Variants in XPR1 observed in about 807,000 individuals in gnomAD.
XPR1 encodes xenotropic and polytropic retrovirus receptor 1, also known as solute carrier family 53 member 1.
A neutral mutation model predicts 87.5 loss-of-function variants in XPR1; 28 were observed. The observed-to-expected ratio is 0.32, with a 90% confidence interval of 0.24 to 0.44. XPR1 has a LOEUF of 0.44. Ranked by LOEUF, XPR1 falls within the 20% of genes least tolerant of loss-of-function variation. The pLI is 1.00. For synonymous variants in XPR1, 300 were observed against 306.1 expected (o/e 0.98, Z 0.21); for missense variants, 559 against 862.3 (o/e 0.65, Z 4.41).
chr1:180,766,892 C>T (rs1648305902), intron 2 of XPR1, among the ~76,000 whole-genome samples: 1 of 152,140 alleles, frequency 6.6e-6, no homozygotes, highest in Admixed American at 6.5e-5. Context: ...TATTCATACC[C>T]TGGCTTAATG....
intron 2 of XPR1, among the ~76,000 whole-genome samples, chr1:180,719,392 G>C (rs73034850): frequency 0.043 from 6,543 of 152,254 alleles, 501 homozygotes; most frequent in African/African-American, 0.15. Flanking sequence ...GATGATATTG[G>C]CATCAGTTGA....
At chr1:180,857,412 A>G (rs1652073286) in intron 11 of XPR1, among the ~76,000 whole-genome samples, 1 of 152,206 alleles carries the variant, frequency 6.6e-6, no homozygotes, top group Non-Finnish European at 1.5e-5. Flanking sequence ...CCATTAGTAA[A>G]TAAGATTCAC....
At chr1:180,802,194 A>T (rs1418627774) in intron 3 of XPR1, among the ~76,000 whole-genome samples, 1 of 132,836 alleles carries the variant, frequency 7.5e-6, no homozygotes, top group African/African-American at 3.5e-5. Flanking sequence ...AAGAGTTATT[A>T]AAAAAAAAAA....
chr1:180,762,829 A>C (rs1306391150), intron 2 of XPR1, among the ~76,000 whole-genome samples: 1 of 152,228 alleles, frequency 6.6e-6, no homozygotes, highest in Non-Finnish European at 1.5e-5. Context: ...GGGATGTACT[A>C]ATACAGCAGA....
At chr1:180,656,386 T>TATATA (rs1176428922) in intron 1 of XPR1, among the ~76,000 whole-genome samples, 3 of 98,010 alleles carry the variant, frequency 3.1e-5, no homozygotes, top group African/African-American at 7.9e-5. Context: ...ATAATATTCA[T>TATATA]GTATTTATAT....
chr1:180,790,356 CA>C (rs927144781), intron 3 of XPR1, among the ~76,000 whole-genome samples: 137 of 148,476 alleles, frequency 9.2e-4, no homozygotes, highest in African/African-American at 2.9e-3. Context: ...TCATTCCCTT[CA>C]AAAAAAAAAT....
intron 2 of XPR1, among the ~76,000 whole-genome samples, chr1:180,699,669 A>C (rs1238717283): frequency 7.9e-6 from 1 of 126,982 alleles, no homozygotes; most frequent in Non-Finnish European, 1.6e-5. Flanking sequence ...GTGCCGCAGT[A>C]AACATACGTG....
intron 2 of XPR1, among the ~76,000 whole-genome samples, chr1:180,755,210 C>T (rs1351727797): frequency 2.0e-5 from 3 of 152,132 alleles, no homozygotes. Flanking sequence ...GCCTGGAAAT[C>T]GACATCCCAA....
At chr1:180,666,131 T>A (rs1655955023) in intron 1 of XPR1, among the ~76,000 whole-genome samples, 2 of 152,242 alleles carry the variant, frequency 1.3e-5, no homozygotes, top group South Asian at 4.1e-4. Context: ...AGGGTTTATT[T>A]GTGGACTGTA....
chr1:180,710,202 A>AG lies in XPR1; in HGVS notation c.121+27792dup, dbSNP rs1657714571. ...CCACCACACCTGGCCTGTTTAATTT[A>AG]GTTTTTTTTTTTTTTTTAATTGATC... On this transcript the variant is annotated intron_variant, in intron 2 of 14. Coordinates refer to ENST00000367590, the MANE Select transcript of XPR1 (RefSeq NM_004736.4). Among the ~76,000 whole-genome samples, 6 of 141,718 alleles carry AG rather than the reference A, an allele frequency of 4.2e-5. No homozygotes were observed. In the South Asian group the frequency reaches 1.3e-3, roughly 31 times the overall value. 93.0% of individuals were successfully genotyped at this position (141,718 alleles called of 152,430 possible). A position where few individuals can be genotyped will look rare whatever the true frequency, so the allele number is the denominator to read the frequency against.
At chr1:180,809,624 C>G (rs1452866028) in intron 6 of XPR1, among the ~76,000 whole-genome samples, 1 of 151,772 alleles carries the variant, frequency 6.6e-6, no homozygotes, top group Non-Finnish European at 1.5e-5. Context: ...TTTAAGAATG[C>G]CTGTAGAGAT....
In XPR1 at chr1:180,699,464, G is replaced by A. The variant is rs1486417503; in HGVS notation, c.121+17053G>A. Among the ~76,000 whole-genome samples the A allele has an allele frequency of 7.1e-5, 7 of 98,122 alleles. No individual in the cohort carries two copies. The East Asian group carries it at 1.4e-3, about 20-fold the overall frequency. The allele number at this position is 98,122 out of a possible 152,430, so 64.4% of individuals were successfully genotyped here. On this transcript the variant is annotated intron_variant, in intron 2 of 14. Coordinates refer to ENST00000367590, the MANE Select transcript of XPR1 (RefSeq NM_004736.4). Reference sequence around the variant, plus strand: ...CCACCTATGAGTGAGAATATGCGGTGTTTGGTTTTTTGTTCTTGCGATAGT... The same window carrying A: ...CCACCTATGAGTGAGAATATGCGGTATTTGGTTTTTTGTTCTTGCGATAGT...
At chr1:180,842,132 A>G (rs1181346388) in intron 11 of XPR1, among the ~76,000 whole-genome samples, 2 of 152,214 alleles carry the variant, frequency 1.3e-5, no homozygotes, top group African/African-American at 2.4e-5. Context: ...TATGAAATGT[A>G]TGTGTACTGT....
chr1:180,747,444 G>A (rs1479742916), intron 2 of XPR1, among the ~76,000 whole-genome samples: 1 of 152,132 alleles, frequency 6.6e-6, no homozygotes, highest in Non-Finnish European at 1.5e-5. Context: ...GTTTGCAGAG[G>A]AGTCTATTAT....
intron 1 of XPR1, among the ~76,000 whole-genome samples, chr1:180,638,157 A>G (rs1654848592): frequency 6.6e-6 from 1 of 152,082 alleles, no homozygotes. Flanking sequence ...AATTTCTTAG[A>G]TCAAAAATAT....
chr1:180,820,342 A>G (rs1401753284), intron 7 of XPR1, among the ~76,000 whole-genome samples: 2 of 152,020 alleles, frequency 1.3e-5, no homozygotes, highest in African/African-American at 2.4e-5. Context: ...GAATGTTCCT[A>G]TTCTGGGTAT....
rs113022706 is a variant in XPR1, at chr1:180,836,777, A to G, written c.1501+61A>G. 1.9e-3 allele frequency: 3,019 copies of G among 1,561,798 alleles called. 9 individuals are homozygous for G. The highest frequency in any genetic ancestry group is 4.8e-3 in the Middle Eastern group (25 of 5,214). ...ACCTGGATTTTTACTACCTGACTCT[A>G]TTTCTTACTCTGGCTACTTTTCCAT... On this transcript the variant is annotated intron_variant, in intron 11 of 14. Coordinates refer to ENST00000367590, the MANE Select transcript of XPR1 (RefSeq NM_004736.4).
intron 2 of XPR1, among the ~76,000 whole-genome samples, chr1:180,695,110 C>T (rs1395791876): frequency 6.6e-6 from 1 of 152,060 alleles, no homozygotes; most frequent in Non-Finnish European, 1.5e-5. Context: ...GTTGATATCT[C>T]ATTGTGGTTT....
At chr1:180,801,560 A>T (rs1286803922) in intron 3 of XPR1, among the ~76,000 whole-genome samples, 1 of 152,216 alleles carries the variant, frequency 6.6e-6, no homozygotes, top group African/African-American at 2.4e-5. Context: ...TGAATCTTGG[A>T]AACATCCTAT....
Sources: allele counts gnomAD v4.1 joint callset (sites outside exome capture counted in the v4.1 genomes callset), GRCh38; gene constraint gnomAD v4.1.1; transcripts MANE v1.5; gene names NCBI Gene and HGNC (gene_info 2026-07-23, HGNC 2026-07-21).